Variants in RUNX2 observed in about 807,000 individuals in gnomAD.
The protein encoded by RUNX2 is RUNX family transcription factor 2.
In RUNX2, 10 loss-of-function variants were observed where a neutral mutation model predicts 51.7. The ratio of observed to expected loss-of-function variants is 0.19; its 90% CI spans 0.12 to 0.33. The LOEUF (loss-of-function observed/expected upper bound fraction) is 0.33, where lower values mean the gene tolerates loss of function less well. Among genes scored for constraint, RUNX2 ranks in the 10% least tolerant of loss-of-function variants. The pLI is 1.00. For missense variants in RUNX2, 562 were observed against 691.3 expected (o/e 0.81, Z 2.10); for synonymous variants, 276 against 273.6 (o/e 1.01, Z -0.09).
chr6:45,411,915 A>G (rs1333990385), intron 2 of RUNX2, among the ~76,000 whole-genome samples: 2 of 152,190 alleles, frequency 1.3e-5, no homozygotes, highest in African/African-American at 4.8e-5. Flanking sequence ...AAGATCTGGA[A>G]CATCTCATTC....
At chr6:45,512,830 G>A (rs1801201943) in intron 7 of RUNX2, among the ~76,000 whole-genome samples, 1 of 152,070 alleles carries the variant, frequency 6.6e-6, no homozygotes, top group South Asian at 2.1e-4. Context: ...AGTCCCAGGA[G>A]TCCAAGCTAG....
chr6:45,486,256 ATTTAATT>A (rs1173601815), intron 5 of RUNX2, among the ~76,000 whole-genome samples: 1 of 152,100 alleles, frequency 6.6e-6, no homozygotes, highest in East Asian at 1.9e-4. Context: ...CTTCAGTTAT[ATTTAATT>A]GCTTTCTTCC....
At chr6:45,511,704 G>A (rs1022660292) in intron 6 of RUNX2, among the ~76,000 whole-genome samples, 5 of 152,082 alleles carry the variant, frequency 3.3e-5, no homozygotes, top group Admixed American at 3.3e-4. Context: ...TGCCTGAAAA[G>A]AAAGTGCCCT....
intron 5 of RUNX2, among the ~76,000 whole-genome samples, chr6:45,491,217 A>G (rs1800451912): frequency 6.6e-6 from 1 of 152,182 alleles, no homozygotes; most frequent in Non-Finnish European, 1.5e-5. Flanking sequence ...AGTGTATTTC[A>G]GCTTCTTTTC....
intron 4 of RUNX2, among the ~76,000 whole-genome samples, chr6:45,434,709 T>C (rs1340127237): frequency 6.6e-6 from 1 of 152,188 alleles, no homozygotes; most frequent in Non-Finnish European, 1.5e-5. Flanking sequence ...CCTTAAATTT[T>C]TTTTTGGTAT....
chr6:45,536,649 T>A (rs192415672), intron 7 of RUNX2, among the ~76,000 whole-genome samples: 4 of 152,342 alleles, frequency 2.6e-5, no homozygotes, highest in Non-Finnish European at 5.9e-5. Flanking sequence ...CAGCGGACTC[T>A]TCCTTTTCCC....
chr6:45,440,401 T>C (rs1242525448), intron 5 of RUNX2, among the ~76,000 whole-genome samples: 1 of 152,184 alleles, frequency 6.6e-6, no homozygotes, highest in Non-Finnish European at 1.5e-5. Context: ...AATAGGAGTT[T>C]GATTAGTTGG....
Position 45,426,113 on chromosome 6 carries a change from CTT to C in RUNX2, c.423+3157_423+3158del, listed in dbSNP as rs1157095239. Reference sequence around the variant, plus strand: ...AATGTATTAGCGTTGTTCATCTACTCTTGTTTCGAGATGATATAAAATTTATT... The same window carrying C: ...AATGTATTAGCGTTGTTCATCTACTCGTTTCGAGATGATATAAAATTTATT... On this transcript the variant is annotated intron_variant, in intron 3 of 8. Transcript: ENST00000647337. Among the ~76,000 whole-genome samples, 3 of 152,226 alleles carry C rather than the reference CTT, an allele frequency of 2.0e-5. No homozygotes were observed. The East Asian group carries it at 5.8e-4, about 29-fold the overall frequency.
At position 45,512,227 on chromosome 6, in the gene RUNX2, T is replaced by G. The variant is rs1801177205; in HGVS notation, c.860-19T>G. On this transcript the variant is annotated intron_variant, in intron 6 of 8. Coordinates refer to ENST00000647337, the MANE Select transcript of RUNX2 (RefSeq NM_001024630.4). ...GCAATGGTTGCTATACTAAAGATTT[T>G]TCTTTTTCTTTTTCCCAGACCCCAG... 1 of 1,612,268 alleles carries G rather than the reference T, an allele frequency of 6.2e-7. No homozygotes were observed. Among genetic ancestry groups the G allele is most frequent in the African/African-American group, 1.3e-5 (1 of 75,024 alleles).
At chr6:45,499,832 T>C (rs1582177531) in intron 6 of RUNX2, among the ~76,000 whole-genome samples, 1 of 152,188 alleles carries the variant, frequency 6.6e-6, no homozygotes, top group South Asian at 2.1e-4. Context: ...TAACTCTCCA[T>C]GCAGAGGAAG....
intron 6 of RUNX2, among the ~76,000 whole-genome samples, chr6:45,492,784 C>T (rs1273124071): frequency 6.6e-6 from 1 of 152,178 alleles, no homozygotes; most frequent in East Asian, 1.9e-4. Flanking sequence ...TTTTGTCCCA[C>T]TTGTGCAAAA....
chr6:45,412,817 T>C (rs1253893405), intron 2 of RUNX2, among the ~76,000 whole-genome samples: 5 of 152,176 alleles, frequency 3.3e-5, no homozygotes, highest in Non-Finnish European at 7.3e-5. Context: ...CAATCTCGGC[T>C]TACTGCAACC....
intron 6 of RUNX2, among the ~76,000 whole-genome samples, chr6:45,505,292 C>G (rs1014277062): frequency 1.3e-5 from 2 of 152,046 alleles, no homozygotes; most frequent in African/African-American, 4.8e-5. Flanking sequence ...GCTGCCCCCA[C>G]TCAAACTTAC....
chr6:45,331,155 G>A (rs2150080620), intron 2 of RUNX2, among the ~76,000 whole-genome samples: 1 of 151,990 alleles, frequency 6.6e-6, no homozygotes, highest in African/African-American at 2.4e-5. Context: ...GCTAGAGAAA[G>A]AGTATGTCTG....
chr6:45,511,730 A>T (rs969723916), intron 6 of RUNX2, among the ~76,000 whole-genome samples: 3 of 152,196 alleles, frequency 2.0e-5, no homozygotes, highest in African/African-American at 7.2e-5. Flanking sequence ...GAAATCATGG[A>T]ATCATGCACT....
At chr6:45,523,708 A>T (rs1358593491) in intron 7 of RUNX2, among the ~76,000 whole-genome samples, 1 of 151,874 alleles carries the variant, frequency 6.6e-6, no homozygotes, top group African/African-American at 2.4e-5. Context: ...GCAGAGGTGG[A>T]TGGATCACGA....
At chr6:45,383,602 C>T (rs181105392) in intron 2 of RUNX2, among the ~76,000 whole-genome samples, 3 of 152,002 alleles carry the variant, frequency 2.0e-5, no homozygotes, top group Admixed American at 2.0e-4. Context: ...AGCTAAACAT[C>T]CCCTTGTTTA....
chr6:45,400,302 A>G (rs1243416526), intron 2 of RUNX2, among the ~76,000 whole-genome samples: 3 of 152,112 alleles, frequency 2.0e-5, no homozygotes, highest in Non-Finnish European at 4.4e-5. Flanking sequence ...AAAAGAGAGG[A>G]GAACCATTGG....
intron 5 of RUNX2, among the ~76,000 whole-genome samples, chr6:45,491,464 G>C (rs1275044833): frequency 6.6e-6 from 1 of 151,986 alleles, no homozygotes; most frequent in African/African-American, 2.4e-5. Context: ...AGTCACTATG[G>C]TCATCGTGGA....
Sources: allele counts gnomAD v4.1 joint callset (sites outside exome capture counted in the v4.1 genomes callset), GRCh38; gene constraint gnomAD v4.1.1; transcripts MANE v1.5; gene names NCBI Gene and HGNC (gene_info 2026-07-23, HGNC 2026-07-21).